The following UPF2 variants were observed in gnomAD, a reference collection of about 807,000 sequenced individuals.
UPF2 encodes regulator of nonsense transcripts 2.
In UPF2, 17 loss-of-function variants were observed where a neutral mutation model predicts 141.4. That is an observed-to-expected ratio of 0.12 (90% confidence interval 0.08 to 0.18). The LOEUF is 0.18. UPF2 is among the 10% of genes least tolerant of loss of function. The pLI is 1.00. For synonymous variants in UPF2, 540 were observed against 498.0 expected (o/e 1.08, Z -1.12); for missense variants, 1,152 against 1,515.9 (o/e 0.76, Z 3.99).
Position 12,001,781 on chromosome 10 carries a change from C to G in UPF2, c.1549G>C (p.Asp517His). The stretch of plus-strand genomic sequence containing the variant: ...AGATTCTCCAACTCAAGTTCCAAAT[C>G]ATCGGGACTTGATACCTCCTTATTC... ...KENKEVSSPD[D>H]LELELENLEI... is the part of the protein sequence containing the mutation. The change falls in exon 6 of 22, where the codon GAT becomes CAT. Residue 517 changes from aspartate to histidine, a missense_variant. By Grantham distance (81) the Asp-to-His change is moderately conservative (BLOSUM62 -1). This residue lies in a region of UPF2 where 739 missense variants were observed against 1,032.2 expected (regional missense o/e 0.72). Transcript: ENST00000357604. The G allele has an allele frequency of 6.2e-7, 1 of 1,612,142 alleles. No individual in the cohort carries two copies. Among genetic ancestry groups the G allele is most frequent in the Non-Finnish European group, 8.5e-7 (1 of 1,179,180 alleles).
Position 11,950,898 on chromosome 10 carries a change from C to A in UPF2, c.3034+1168G>T, listed in dbSNP as rs146688235. Reference sequence around the variant, plus strand: ...ACAATCAGTAGCAGCACTTGTAAAACCTTTACCATGAAAAGTGGTTCTTCA... The same window carrying A: ...ACAATCAGTAGCAGCACTTGTAAAAACTTTACCATGAAAAGTGGTTCTTCA... On this transcript the variant is annotated intron_variant, in intron 15 of 21. Transcript: ENST00000357604. Among the ~76,000 whole-genome samples the A allele has an allele frequency of 2.6e-5, 4 of 152,264 alleles. No homozygotes were observed. The East Asian group carries it at 7.7e-4, about 29-fold the overall frequency.
intron 19 of UPF2, among the ~76,000 whole-genome samples, chr10:11,933,312 T>C (rs1437507472): frequency 2.0e-5 from 3 of 152,190 alleles, no homozygotes; most frequent in Non-Finnish European, 4.4e-5. Context: ...TACTTTCTTT[T>C]TCAGACCACA....
At chr10:12,035,759 C>A in intron 1 of UPF2, 1 of 192,250 alleles carries the variant, frequency 5.2e-6, no homozygotes. Context: ...CTATCAACTC[C>A]AAAACAATAT....
In UPF2 at chr10:11,927,270, G is replaced by C. The variant is rs189993422; in HGVS notation, c.3809+2595C>G. 8.3e-4 allele frequency among the ~76,000 whole-genome samples: 127 copies of C among 152,360 alleles called. 1 individual carries two copies. Among genetic ancestry groups the C allele is most frequent in the African/African-American group, 2.9e-3 (122 of 41,584 alleles). On this transcript the variant is annotated intron_variant, in intron 21 of 21. Transcript: ENST00000357604. The stretch of plus-strand genomic sequence containing the variant: ...TATACTTGCGATACATGAATTGTGA[G>C]GGGGTTAGGGATTAATAAAAACGTG...
At chr10:11,984,666 C>T (rs1295443238) in intron 8 of UPF2, among the ~76,000 whole-genome samples, 1 of 151,486 alleles carries the variant, frequency 6.6e-6, no homozygotes, top group Non-Finnish European at 1.5e-5. Context: ...TTCTAAGTGG[C>T]CCAATCTACT....
chr10:12,017,942 T>C (rs1834253152), intron 3 of UPF2, among the ~76,000 whole-genome samples: 1 of 152,210 alleles, frequency 6.6e-6, no homozygotes, highest in Non-Finnish European at 1.5e-5. Flanking sequence ...TTTTTAATGA[T>C]GTCTTACACC....
In UPF2 at chr10:12,035,196, G is replaced by A. The variant is rs780266094; in HGVS notation, c.228C>T (p.Asp76=). 70 of 1,606,840 alleles carry A rather than the reference G, an allele frequency of 4.4e-5. No individual in the cohort carries two copies. The South Asian group carries it at 5.8e-4, about 13-fold the overall frequency. Residue 76 remains aspartate, a synonymous_variant, in exon 2 of 22, where the codon GAC becomes GAT. Transcript: ENST00000357604. ...KKEDKERKKK[D]EEKVKAEEES... ...CTTCCTCTGCCTTCACCTTTTCTTC[G>A]TCTTTTTTCTTGCGTTCCTTGTCTT...
In UPF2 at chr10:12,035,290, G is replaced by A. The variant is rs1264192412; in HGVS notation, c.134C>T (p.Ala45Val). The part of the protein sequence containing the change: ...ERPKDDIKLT[A>V]KKEVSKAPED... Reference sequence around the variant, plus strand: ...AGGGGCCTTGCTGACCTCCTTCTTGGCAGTGAGCTTGATATCGTCTTTTGG... The same window carrying A: ...AGGGGCCTTGCTGACCTCCTTCTTGACAGTGAGCTTGATATCGTCTTTTGG... Residue 45 changes from alanine to valine, a missense_variant, in exon 2 of 22, where the codon GCC (alanine) becomes GTC (valine). Ala to Val is a moderately conservative substitution (Grantham distance 64). Around this residue, in one of 4 missense-constraint regions of UPF2, gnomAD observed 145 missense variants for 136.5 expected, o/e 1.06. Coordinates refer to ENST00000357604, the MANE Select transcript of UPF2 (RefSeq NM_015542.4). 1.9e-6 allele frequency: 3 copies of A among 1,613,632 alleles called. No homozygotes were observed. The highest frequency in any genetic ancestry group is 1.3e-5 in the African/African-American group (1 of 74,740).
intron 4 of UPF2, among the ~76,000 whole-genome samples, chr10:12,010,600 G>A (rs1834110345): frequency 6.6e-6 from 1 of 152,144 alleles, no homozygotes; most frequent in Non-Finnish European, 1.5e-5. Context: ...TGGGACAACT[G>A]AACAACCTAA....
At chr10:11,989,191 T>G (rs1833741027) in intron 8 of UPF2, among the ~76,000 whole-genome samples, 2 of 152,290 alleles carry the variant, frequency 1.3e-5, no homozygotes, top group Admixed American at 1.3e-4. Flanking sequence ...CCCACAGTAA[T>G]GAACTTTAAA....
At chr10:11,993,149 CAAAAAAAAAAAA>C (rs561323595) in intron 8 of UPF2, among the ~76,000 whole-genome samples, 2 of 80,558 alleles carry the variant, frequency 2.5e-5, no homozygotes, top group Non-Finnish European at 4.2e-5. Context: ...GGCTCCACCT[CAAAAAAAAAAAA>C]AAAAAAAAAA....
chr10:11,963,396 G>A (rs1042462304), intron 11 of UPF2, among the ~76,000 whole-genome samples: 2 of 152,240 alleles, frequency 1.3e-5, no homozygotes, highest in Admixed American at 6.5e-5. Flanking sequence ...GGAGTGCAGT[G>A]GCGAGATCAT....
intron 10 of UPF2, among the ~76,000 whole-genome samples, chr10:11,965,151 G>A (rs1464098056): frequency 6.6e-6 from 1 of 152,160 alleles, no homozygotes; most frequent in African/African-American, 2.4e-5. Flanking sequence ...ATACATCATT[G>A]TAGAGAAATC....
At chr10:11,929,103 C>T (rs1007918951) in intron 21 of UPF2, among the ~76,000 whole-genome samples, 3 of 152,166 alleles carry the variant, frequency 2.0e-5, no homozygotes, top group South Asian at 2.1e-4. Flanking sequence ...GCCGAGATCA[C>T]GCCACTGCAC....
rs760541301 is a variant in UPF2 at position 11,941,770 on chromosome 10, A to AG, written c.3378+894_3378+895insC. Among the ~76,000 whole-genome samples, 275 of 152,340 alleles carry AG rather than the reference A, an allele frequency of 1.8e-3. 1 individual carries two copies. Among genetic ancestry groups the AG allele is most frequent in the Non-Finnish European group, 2.5e-3 (169 of 68,028 alleles). On this transcript the variant is annotated intron_variant, in intron 18 of 21. Coordinates refer to ENST00000357604, the MANE Select transcript of UPF2 (RefSeq NM_015542.4). Reference sequence around the variant, plus strand: ...TCGTCACGTCACCAAAGGGTTAACAACAAGTACATATAGGGCTGAAGTAAG... The same window carrying AG: ...TCGTCACGTCACCAAAGGGTTAACAAGCAAGTACATATAGGGCTGAAGTAAG...
intron 11 of UPF2, among the ~76,000 whole-genome samples, chr10:11,961,174 G>A (rs1259833861): frequency 1.3e-5 from 2 of 151,412 alleles, no homozygotes; most frequent in African/African-American, 4.9e-5. Flanking sequence ...GAACAGGACA[G>A]ACATGATTCC....
rs1273102820 is a variant in UPF2, at chr10:11,935,131, C to T, written c.3546+1414G>A. On this transcript the variant is annotated intron_variant, in intron 19 of 21. Transcript: ENST00000357604. This position sits in a 1 kb window ranked among gnomAD's most constrained non-coding sequence, Gnocchi z 4.9. ...TCTCAGATGCAACTTATTGTAGGGT[C>T]TTCCCTGATCATCCTACCTAAGAGG... Among the ~76,000 whole-genome samples, 1 of 152,120 alleles carries T rather than the reference C, an allele frequency of 6.6e-6. No individual in the cohort carries two copies. The highest frequency in any genetic ancestry group is 6.5e-5 in the Admixed American group (1 of 15,268).
intron 8 of UPF2, among the ~76,000 whole-genome samples, chr10:11,981,530 T>C (rs538924159): frequency 1.6e-3 from 238 of 152,342 alleles, no homozygotes; most frequent in African/African-American, 5.6e-3. Flanking sequence ...ATCCATTATA[T>C]AAAAACATTT....
chr10:11,941,442 AC>A (rs551583544), intron 18 of UPF2, among the ~76,000 whole-genome samples: 5 of 152,314 alleles, frequency 3.3e-5, no homozygotes, highest in African/African-American at 1.2e-4. Context: ...GACACCTATA[AC>A]ACTAATTTGT....
Sources: allele counts gnomAD v4.1 joint callset (sites outside exome capture counted in the v4.1 genomes callset), GRCh38; gene constraint gnomAD v4.1.1; regional missense constraint gnomAD v4.1.1; non-coding constraint Gnocchi (gnomAD v3.1); transcripts MANE v1.5; gene names NCBI Gene and HGNC (gene_info 2026-07-23, HGNC 2026-07-21).